The following R3HCC1L variants were observed in gnomAD, a reference collection of about 807,000 sequenced individuals.
R3HCC1L encodes the protein coiled-coil domain-containing protein R3HCC1L.
In R3HCC1L, 51 loss-of-function variants were observed where a neutral mutation model predicts 59.9. The observed-to-expected ratio is 0.85, with a 90% CI of 0.68 to 1.07. The LOEUF is 1.07. R3HCC1L is among the 50% of genes least tolerant of loss of function. The pLI, the probability that R3HCC1L is intolerant of heterozygous loss-of-function variation, is 0.00. For synonymous variants in R3HCC1L, 322 were observed against 315.2 expected, an observed-to-expected ratio of 1.02 and a Z score of -0.23; for missense variants, 965 against 933.0, an observed-to-expected ratio of 1.03 and a Z score of -0.45.
At chr10:98,240,183 G>A (rs1247411849) in intron 9 of R3HCC1L, among the ~76,000 whole-genome samples, 2 of 152,154 alleles carry the variant, frequency 1.3e-5, no homozygotes, top group Non-Finnish European at 2.9e-5. Flanking sequence ...GCGCGCACCT[G>A]TAGTCCCAGC....
intron 1 of R3HCC1L, among the ~76,000 whole-genome samples, chr10:98,142,306 C>T (rs1166723321): frequency 1.3e-5 from 2 of 152,170 alleles, no homozygotes; most frequent in Non-Finnish European, 2.9e-5. Context: ...ATGATCTCAC[C>T]TCTGAGATGT....
chr10:98,216,653 G>A (rs1854242464), intron 5 of R3HCC1L, among the ~76,000 whole-genome samples: 1 of 151,738 alleles, frequency 6.6e-6, no homozygotes, highest in African/African-American at 2.4e-5. Flanking sequence ...GCTCACTGTA[G>A]CCTCAAACTC....
chr10:98,136,815 C>T (rs1304894889), intron 1 of R3HCC1L, among the ~76,000 whole-genome samples: 3 of 151,988 alleles, frequency 2.0e-5, no homozygotes, highest in African/African-American at 4.8e-5. Context: ...CTAGCCTGGC[C>T]GATAGATTGA....
intron 5 of R3HCC1L, chr10:98,211,221 A>G (rs1361370913): frequency 8.5e-6 from 7 of 823,948 alleles, no homozygotes; most frequent in South Asian, 1.6e-5. Context: ...TATGGTCCCT[A>G]GACCAGCAGC....
chr10:98,234,517 G>A lies in R3HCC1L; in HGVS notation c.2032+1G>A. On this transcript the variant is annotated splice_donor_variant, in intron 7 of 9. Transcript: ENST00000298999. LOFTEE classifies it high-confidence loss of function. ...GGAGTATTCTCCAGTCCAATTACAGGTATTCACCCAGTGGCTTTCAATCTT... is the reference window on the plus strand; with the variant it reads ...GGAGTATTCTCCAGTCCAATTACAGATATTCACCCAGTGGCTTTCAATCTT... 1 of 1,609,754 alleles carries A rather than the reference G, an allele frequency of 6.2e-7. No homozygotes were observed. Among genetic ancestry groups the A allele is most frequent in the Non-Finnish European group, 8.5e-7 (1 of 1,176,660 alleles).
At chr10:98,181,943 T>C (rs9420723) in intron 4 of R3HCC1L, among the ~76,000 whole-genome samples, 145,852 of 152,246 alleles carry the variant, frequency 0.96, 70,151 homozygotes, top group East Asian at 1. Context: ...AGCTTCCTTG[T>C]GATGGGTTCA....
chr10:98,195,235 A>G (rs965001698), intron 4 of R3HCC1L, among the ~76,000 whole-genome samples: 1 of 152,174 alleles, frequency 6.6e-6, no homozygotes, highest in Non-Finnish European at 1.5e-5. Flanking sequence ...ATACTTGCAT[A>G]ATTTCACTAA....
chr10:98,207,218 G>A (rs988398131), intron 4 of R3HCC1L, among the ~76,000 whole-genome samples: 3 of 151,996 alleles, frequency 2.0e-5, no homozygotes, highest in African/African-American at 4.8e-5. Context: ...TCTTTGTCCT[G>A]GACAAACTTA....
At chr10:98,224,022 C>G (rs113749336) in intron 5 of R3HCC1L, among the ~76,000 whole-genome samples, 1 of 152,072 alleles carries the variant, frequency 6.6e-6, no homozygotes, top group Non-Finnish European at 1.5e-5. Flanking sequence ...GGTCAATCTC[C>G]AGGCTCCCTG....
At chr10:98,228,063 G>C (rs940253831) in intron 5 of R3HCC1L, among the ~76,000 whole-genome samples, 3 of 152,162 alleles carry the variant, frequency 2.0e-5, no homozygotes, top group Non-Finnish European at 2.9e-5. Context: ...TGTCTTTATA[G>C]CAGCATGATT....
At chr10:98,202,184 A>C (rs1852125695) in intron 4 of R3HCC1L, among the ~76,000 whole-genome samples, 1 of 152,218 alleles carries the variant, frequency 6.6e-6, no homozygotes, top group South Asian at 2.1e-4. Flanking sequence ...GGGACCCCTC[A>C]AGTTGGAAAA....
chr10:98,224,715 C>T (rs995444397), intron 5 of R3HCC1L, among the ~76,000 whole-genome samples: 1 of 152,150 alleles, frequency 6.6e-6, no homozygotes, highest in East Asian at 1.9e-4. Context: ...TGTAAACTTT[C>T]CCTTGGTCTA....
chr10:98,171,420 A>G (rs1848495837), intron 4 of R3HCC1L, among the ~76,000 whole-genome samples: 1 of 152,204 alleles, frequency 6.6e-6, no homozygotes, highest in Non-Finnish European at 1.5e-5. Flanking sequence ...CTTTTTTGAT[A>G]GAAACAGAGC....
intron 9 of R3HCC1L, among the ~76,000 whole-genome samples, chr10:98,241,185 A>C (rs1413302708): frequency 1.3e-5 from 2 of 152,318 alleles, no homozygotes; most frequent in Non-Finnish European, 2.9e-5. Flanking sequence ...AGAAGGGAAT[A>C]AGATTCGTTT....
At chr10:98,204,183 C>T (rs1343943947) in intron 4 of R3HCC1L, among the ~76,000 whole-genome samples, 6 of 152,082 alleles carry the variant, frequency 3.9e-5, no homozygotes, top group Admixed American at 6.6e-5. Flanking sequence ...CCCACGTGGG[C>T]GGATCACCTG....
intron 4 of R3HCC1L, among the ~76,000 whole-genome samples, chr10:98,179,154 A>C (rs371474695): frequency 1.3e-5 from 2 of 152,172 alleles, no homozygotes; most frequent in Admixed American, 6.5e-5. Context: ...TTTCAAAGGG[A>C]ATGCTTCCAG....
intron 4 of R3HCC1L, among the ~76,000 whole-genome samples, chr10:98,187,944 T>C (rs1850405670): frequency 6.6e-6 from 1 of 151,960 alleles, no homozygotes; most frequent in South Asian, 2.1e-4. Flanking sequence ...AGTCTCGCTA[T>C]GTTGCCTAGG....
At chr10:98,218,991 A>G (rs754601552) in intron 5 of R3HCC1L, among the ~76,000 whole-genome samples, 13 of 151,798 alleles carry the variant, frequency 8.6e-5, no homozygotes, top group South Asian at 4.2e-4. Flanking sequence ...AGCTCACTGC[A>G]CCCTCCACCT....
chr10:98,152,487 CCA>C (rs1271635076), intron 1 of R3HCC1L, among the ~76,000 whole-genome samples: 1 of 133,280 alleles, frequency 7.5e-6, no homozygotes, highest in Admixed American at 8.0e-5. Context: ...TTCCCGGCCG[CCA>C]TCCCGTCTAG....
Sources: gnomAD v4.1 joint callset for allele counts (sites outside exome capture counted in the v4.1 genomes callset) on GRCh38, gnomAD v4.1.1 for gene constraint, MANE v1.5 for transcripts, NCBI Gene and HGNC (gene_info 2026-07-23, HGNC 2026-07-21) for gene names.